Variants in NRXN3 observed in about 807,000 individuals in gnomAD.
The protein encoded by NRXN3 is neurexin 3, also known as neurexin III.
NRXN3 carries 32 observed loss-of-function variants against 137.6 expected under a neutral mutation model. The ratio of observed to expected loss-of-function variants is 0.23; its 90% CI spans 0.18 to 0.31. NRXN3 has a LOEUF of 0.31. Ranked by LOEUF, NRXN3 falls within the 10% of genes least tolerant of loss-of-function variation. The probability of loss-of-function intolerance (pLI) is 1.00; values close to 1 mark genes in which losing one functional copy is unlikely to be tolerated. For missense variants in NRXN3, 1,574 were observed against 2,062.5 expected, an observed-to-expected ratio of 0.76 and a Z score of 4.59; for synonymous variants, 798 against 784.5, an observed-to-expected ratio of 1.02 and a Z score of -0.29.
chr14:79,148,021 T>C (rs897169567), intron 15 of NRXN3, among the ~76,000 whole-genome samples: 2 of 152,126 alleles, frequency 1.3e-5, no homozygotes, highest in African/African-American at 4.8e-5. Context: ...CTTCTCCTCA[T>C]TTATTCATGA....
intron 15 of NRXN3, among the ~76,000 whole-genome samples, chr14:79,088,077 C>G (rs536996632): frequency 6.7e-6 from 1 of 149,932 alleles, no homozygotes; most frequent in Non-Finnish European, 1.5e-5. Context: ...GCTAGGTTCT[C>G]CTTTGCTACA....
intron 17 of NRXN3, among the ~76,000 whole-genome samples, chr14:79,675,189 C>G (rs1240972055): frequency 6.6e-6 from 1 of 151,932 alleles, no homozygotes; most frequent in African/African-American, 2.4e-5. Context: ...TTAGGGATCA[C>G]CAAACCTTTT....
chr14:78,444,919 CAAAAAAAAAAAAAAAA>C (rs56400913), intron 4 of NRXN3, among the ~76,000 whole-genome samples: 32 of 47,118 alleles, frequency 6.8e-4, no homozygotes, highest in African/African-American at 3.0e-3. Context: ...AACTCTGTCT[CAAAAAAAAAAAAAAAA>C]AAAAAAAAAA....
intron 10 of NRXN3, among the ~76,000 whole-genome samples, chr14:78,940,965 A>G (rs2099351793): frequency 6.6e-6 from 1 of 152,218 alleles, no homozygotes; most frequent in South Asian, 2.1e-4. Flanking sequence ...TGTAGCCTCA[A>G]GCAGGATAAT....
At chr14:79,690,134 C>G (rs2098710814) in intron 17 of NRXN3, among the ~76,000 whole-genome samples, 2 of 152,132 alleles carry the variant, frequency 1.3e-5, no homozygotes, top group Admixed American at 1.3e-4. Flanking sequence ...GTCTAAAACC[C>G]TAGAGGATGA....
At chr14:79,157,622 G>A (rs553702627) in intron 15 of NRXN3, among the ~76,000 whole-genome samples, 1 of 151,850 alleles carries the variant, frequency 6.6e-6, no homozygotes, top group Admixed American at 6.6e-5. Flanking sequence ...TGCCCTATCA[G>A]CATTTGAAAG....
At chr14:79,502,369 T>C (rs967479001) in intron 16 of NRXN3, among the ~76,000 whole-genome samples, 11 of 152,160 alleles carry the variant, frequency 7.2e-5, no homozygotes, top group African/African-American at 2.4e-4. Flanking sequence ...TTTTCTTATT[T>C]GAGCCTGCTC....
chr14:78,931,563 T>C (rs1180293737), intron 10 of NRXN3, among the ~76,000 whole-genome samples: 1 of 152,084 alleles, frequency 6.6e-6, no homozygotes, highest in Non-Finnish European at 1.5e-5. Context: ...GTATTAATAG[T>C]CCCATTTTAC....
At position 78,813,514 on chromosome 14, in the gene NRXN3, CT is replaced by C. The variant is rs538471116; in HGVS notation, c.2275+3180del. On this transcript the variant is annotated intron_variant, in intron 10 of 20. Coordinates refer to ENST00000335750, the MANE Select transcript of NRXN3 (RefSeq NM_001330195.2). Reference sequence around the variant, plus strand: ...TTGCTTAATTTTCAAAACAGAGCTTCTTTTTTTTTTCCCCCTTGAAGGGAAA... The same window carrying C: ...TTGCTTAATTTTCAAAACAGAGCTTCTTTTTTTTTCCCCCTTGAAGGGAAA... Among the ~76,000 whole-genome samples, 257 of 149,308 alleles carry C rather than the reference CT, an allele frequency of 1.7e-3. 4 individuals are homozygous for C. In the South Asian group the frequency reaches 0.028, roughly 16 times the overall value.
chr14:78,569,343 G>T (rs1171651985), intron 4 of NRXN3, among the ~76,000 whole-genome samples: 3 of 151,550 alleles, frequency 2.0e-5, no homozygotes, highest in Admixed American at 1.3e-4. Flanking sequence ...TCGGCTCACT[G>T]CAAGCTCCGC....
At chr14:79,261,132 A>AT (rs1264815814) in intron 15 of NRXN3, among the ~76,000 whole-genome samples, 2 of 152,158 alleles carry the variant, frequency 1.3e-5, no homozygotes, top group African/African-American at 4.8e-5. Flanking sequence ...GGAGGGTGAG[A>AT]TATATGTGAG....
intron 6 of NRXN3, among the ~76,000 whole-genome samples, chr14:78,669,270 G>C (rs1006505971): frequency 8.5e-5 from 8 of 93,736 alleles, no homozygotes; most frequent in Non-Finnish European, 1.9e-4. Flanking sequence ...GGTAATGGTA[G>C]TAGTAGTAGT....
At chr14:78,783,767 A>C (rs969286574) in intron 8 of NRXN3, among the ~76,000 whole-genome samples, 3 of 152,208 alleles carry the variant, frequency 2.0e-5, no homozygotes, top group African/African-American at 7.2e-5. Flanking sequence ...AACTAAACTA[A>C]AGTACACACA....
chr14:79,341,037 G>A (rs1228278291), intron 15 of NRXN3, among the ~76,000 whole-genome samples: 2 of 152,146 alleles, frequency 1.3e-5, no homozygotes, highest in East Asian at 3.9e-4. Flanking sequence ...GTTAATGGGA[G>A]CATTTTCTTC....
chr14:79,291,064 T>A (rs539667779), intron 15 of NRXN3, among the ~76,000 whole-genome samples: 33 of 152,322 alleles, frequency 2.2e-4, no homozygotes, highest in African/African-American at 7.9e-4. Flanking sequence ...TAGCCAAAGT[T>A]TTATTGTTTA....
intron 15 of NRXN3, among the ~76,000 whole-genome samples, chr14:79,375,567 G>A (rs1164750252): frequency 6.6e-6 from 1 of 152,032 alleles, no homozygotes; most frequent in Admixed American, 6.6e-5. Flanking sequence ...CAGTGGGCAT[G>A]CCATCAGTGC....
chr14:78,809,410 C>G (rs1030378929), intron 9 of NRXN3, among the ~76,000 whole-genome samples: 8 of 152,216 alleles, frequency 5.3e-5, no homozygotes, highest in Admixed American at 1.3e-4. Context: ...ATGCTGTGGG[C>G]ACTTGATTCA....
intron 16 of NRXN3, among the ~76,000 whole-genome samples, chr14:79,489,059 A>G (rs1035798646): frequency 6.6e-5 from 10 of 152,206 alleles, no homozygotes; most frequent in African/African-American, 2.4e-4. Context: ...AGTGTGCATA[A>G]CATCATGTTT....
intron 19 of NRXN3, among the ~76,000 whole-genome samples, chr14:79,792,342 TTC>T (rs745994272): frequency 1.3e-5 from 2 of 152,180 alleles, no homozygotes; most frequent in African/African-American, 2.4e-5. Context: ...TGCCCAGTAA[TTC>T]TGTTTTATTG....
Sources: gnomAD v4.1 joint callset for allele counts (sites outside exome capture counted in the v4.1 genomes callset) on GRCh38, gnomAD v4.1.1 for gene constraint, MANE v1.5 for transcripts, NCBI Gene and HGNC (gene_info 2026-07-23, HGNC 2026-07-21) for gene names.